ZNF93: variants seen among roughly 807,000 people sequenced by gnomAD.
ZNF93 encodes the protein zinc finger protein 93.
ZNF93 carries 29 observed loss-of-function variants against 45.0 expected under a neutral mutation model. That is an observed-to-expected ratio of 0.64 (90% CI 0.48 to 0.88). The LOEUF is 0.88. Ranked by LOEUF, ZNF93 falls within the 40% of genes least tolerant of loss-of-function variation. The probability of loss-of-function intolerance (pLI) is 0.00; values close to 1 mark genes in which losing one functional copy is unlikely to be tolerated. For missense variants in ZNF93, 578 were observed against 724.0 expected, an observed-to-expected ratio of 0.80 and a Z score of 2.31; for synonymous variants, 223 against 244.6, an observed-to-expected ratio of 0.91 and a Z score of 0.82.
intron 1 of ZNF93, chr19:19,909,122 G>A (rs11878883): frequency 0.078 from 11,870 of 152,260 alleles, 979 homozygotes; most frequent in African/African-American, 0.21. Context: ...GACGCCTGCA[G>A]GCTCTCCTCC....
rs551749199 is a variant in ZNF93 at position 19,933,395 on chromosome 19, G to A, written c.440G>A (p.Cys147Tyr). ...ACTACCCAGAGCAAAGTATTTCAAT[G>A]TGATAAATATGGGAAAGTCTTTCAT... ...STTTQSKVFQ[C>Y]DKYGKVFHKF... The change falls in exon 4 of 4, where the codon TGT becomes TAT. Residue 147 changes from cysteine to tyrosine, a missense_variant. By Grantham distance (194) the Cys-to-Tyr change is radical (BLOSUM62 -2). This residue lies in a region of ZNF93 where 446 missense variants were observed against 547.6 expected (regional missense o/e 0.81). Transcript: ENST00000343769. 3.7e-6 allele frequency: 6 copies of A among 1,600,564 alleles called. No individual in the cohort carries two copies. The highest frequency in any genetic ancestry group is 4.5e-5 in the East Asian group (2 of 44,788).
chr19:19,915,796 C>T (rs866774438), intron 2 of ZNF93, among the ~76,000 whole-genome samples: 43 of 152,100 alleles, frequency 2.8e-4, no homozygotes, highest in African/African-American at 1.2e-4. Flanking sequence ...GAGCCGAGAT[C>T]GTGCCGTTGC....
At chr19:19,921,085 A>G (rs1016312844) in intron 3 of ZNF93, among the ~76,000 whole-genome samples, 2 of 152,182 alleles carry the variant, frequency 1.3e-5, no homozygotes, top group Admixed American at 6.5e-5. Flanking sequence ...ATTTAGTGCT[A>G]TAAATTTCCC....
intron 2 of ZNF93, among the ~76,000 whole-genome samples, chr19:19,916,300 C>CAA (rs1188477500): frequency 1.3e-5 from 2 of 152,086 alleles, no homozygotes; most frequent in African/African-American, 4.8e-5. Flanking sequence ...CTCCTGACTT[C>CAA]GTGATCCGCC....
rs74425267 is a variant in ZNF93, at chr19:19,910,974, A to C, written c.4-4306A>C. Among the ~76,000 whole-genome samples the C allele has an allele frequency of 9.8e-3, 1,490 of 152,338 alleles. 13 individuals carry two copies. Among genetic ancestry groups the C allele is most frequent in the South Asian group, 0.028 (137 of 4,828 alleles). On this transcript the variant is annotated intron_variant, in intron 1 of 3. Transcript: ENST00000343769. ...TCTTGTTCATTGACCTGCTACAGTT[A>C]TGTGAGGGGCTCCAGGAGAAATAGA...
At position 19,933,172 on chromosome 19, in the gene ZNF93, T is replaced by C. The variant is rs768668727; in HGVS notation, c.227-10T>C. The stretch of plus-strand genomic sequence containing the variant: ...CAATTGAAGTAATGTGTTTTTATTG[T>C]TTCTTTCAGTTATATGTTCTCATTT... On this transcript the variant is annotated splice_polypyrimidine_tract_variant and intron_variant, in intron 3 of 3. Coordinates refer to ENST00000343769, the MANE Select transcript of ZNF93 (RefSeq NM_031218.4). 4 of 1,490,636 alleles carry C rather than the reference T, an allele frequency of 2.7e-6. No individual in the cohort carries two copies. In the Admixed American group the frequency reaches 9.3e-5, roughly 35 times the overall value. The allele number at this position is 1,490,636 out of a possible 1,614,324, so 92.3% of individuals were successfully genotyped here. A position where few individuals can be genotyped will look rare whatever the true frequency, so the allele number is the denominator to read the frequency against.
At position 19,934,516 on chromosome 19, in the gene ZNF93, T is replaced by A; in HGVS notation, c.1561T>A (p.Ser521Thr). 6.2e-7 allele frequency: 1 copy of A among 1,613,228 alleles called. No individual in the cohort carries two copies. Among genetic ancestry groups the A allele is most frequent in the African/African-American group, 1.3e-5 (1 of 74,990 alleles). ...AGAATGTGGCAAAGCTTTTAACCAGTCCTCAACCCTTATTAAACATAAGAA... is the reference window on the plus strand; with the variant it reads ...AGAATGTGGCAAAGCTTTTAACCAGACCTCAACCCTTATTAAACATAAGAA... ...CEECGKAFNQ[S>T]STLIKHKKIH... The change falls in exon 4 of 4, where the codon TCC (serine) becomes ACC (threonine). Residue 521 changes from serine (S) to threonine (T), a missense_variant. Physicochemically the swap from Ser to Thr is moderately conservative, Grantham distance 58. Transcript: ENST00000343769.
chr19:19,931,851 A>T (rs902576964), intron 3 of ZNF93, among the ~76,000 whole-genome samples: 1 of 152,176 alleles, frequency 6.6e-6, no homozygotes. Context: ...TATAAATAAT[A>T]TCTTAGTAAT....
At chr19:19,910,650 C>CTT (rs35098061) in intron 1 of ZNF93, among the ~76,000 whole-genome samples, 2 of 138,182 alleles carry the variant, frequency 1.4e-5, no homozygotes, top group Admixed American at 1.5e-4. Context: ...GTTCTTTCAG[C>CTT]TTTTTTTTTT....
At chr19:19,925,704 A>G (rs1165970055) in intron 3 of ZNF93, among the ~76,000 whole-genome samples, 2 of 152,246 alleles carry the variant, frequency 1.3e-5, no homozygotes, top group African/African-American at 4.8e-5. Flanking sequence ...GAATTAAAGG[A>G]TTTTCATCTA....
Position 19,933,894 on chromosome 19 carries a change from C to T in ZNF93, c.939C>T (p.Tyr313=), listed in dbSNP as rs371915734. The change falls in exon 4 of 4, where the codon TAC becomes TAT. Residue 313 remains tyrosine (Y), a synonymous_variant. Coordinates refer to ENST00000343769, the MANE Select transcript of ZNF93 (RefSeq NM_031218.4). The part of the protein sequence containing the change: ...HKKIHTGEKP[Y]VCEECGKAFK... ...AAATTCATACTGGAGAGAAGCCCTACGTTTGTGAAGAATGTGGCAAAGCCT... is the reference window on the plus strand; with the variant it reads ...AAATTCATACTGGAGAGAAGCCCTATGTTTGTGAAGAATGTGGCAAAGCCT... 1.3e-5 allele frequency: 21 copies of T among 1,612,816 alleles called. No homozygotes were observed. Among genetic ancestry groups the T allele is most frequent in the African/African-American group, 6.7e-5 (5 of 74,664 alleles).
chr19:19,912,464 A>G (rs188589918), intron 1 of ZNF93, among the ~76,000 whole-genome samples: 37 of 152,232 alleles, frequency 2.4e-4, no homozygotes, highest in South Asian at 4.1e-4. Context: ...TGAAATTCAA[A>G]AGCAGATAAA....
intron 1 of ZNF93, among the ~76,000 whole-genome samples, chr19:19,904,016 G>A (rs1183686012): frequency 2.0e-5 from 3 of 149,468 alleles, no homozygotes; most frequent in African/African-American, 4.9e-5. Flanking sequence ...CCGAGATTGC[G>A]CCGCTGCACT....
At chr19:19,905,859 T>A (rs8113346) in intron 1 of ZNF93, among the ~76,000 whole-genome samples, 6,368 of 152,266 alleles carry the variant, frequency 0.042, 296 homozygotes, top group East Asian at 0.17. Flanking sequence ...CCCAAAGTGC[T>A]GGGATTACAG....
At chr19:19,927,408 A>T (rs1023853213) in intron 3 of ZNF93, 2 of 385,998 alleles carry the variant, frequency 5.2e-6, no homozygotes, top group African/African-American at 4.1e-5. Context: ...ATTGTTATGC[A>T]AAAGACTTCT....
chr19:19,931,952 C>G (rs1482090257), intron 3 of ZNF93: 3 of 377,590 alleles, frequency 7.9e-6, no homozygotes, highest in African/African-American at 2.2e-5. Flanking sequence ...AACTATGCCT[C>G]TATATTTTCC....
At chr19:19,932,041 CA>C in intron 3 of ZNF93, 1 of 342,952 alleles carries the variant, frequency 2.9e-6, no homozygotes, top group East Asian at 1.3e-4. Flanking sequence ...TTTGGGAGGC[CA>C]AGGTGGGTGG....
intron 1 of ZNF93, among the ~76,000 whole-genome samples, chr19:19,905,166 G>A (rs1271104734): frequency 6.6e-6 from 1 of 151,818 alleles, no homozygotes; most frequent in African/African-American, 2.4e-5. Context: ...GCAAAAATCA[G>A]TCCTTTCACC....
chr19:19,907,004 CAAAA>C (rs1014436426), intron 1 of ZNF93, among the ~76,000 whole-genome samples: 1 of 149,842 alleles, frequency 6.7e-6, no homozygotes, highest in African/African-American at 2.5e-5. Flanking sequence ...AAAAAGTTCC[CAAAA>C]AAATTTTGCT....
Sources: gnomAD v4.1 joint callset for allele counts (sites outside exome capture counted in the v4.1 genomes callset) on GRCh38, gnomAD v4.1.1 for gene constraint, gnomAD v4.1.1 regional missense constraint, MANE v1.5 for transcripts, NCBI Gene and HGNC (gene_info 2026-07-23, HGNC 2026-07-21) for gene names.